The following RABGEF1 variants were observed in gnomAD, a reference collection of about 807,000 sequenced individuals.
The protein encoded by RABGEF1 is RAB guanine nucleotide exchange factor 1.
RABGEF1 carries 26 observed loss-of-function variants against 57.3 expected under a neutral mutation model. The observed-to-expected ratio is 0.45, with a 90% CI of 0.33 to 0.63. The LOEUF (loss-of-function observed/expected upper bound fraction) is 0.63. Among genes scored for constraint, RABGEF1 ranks in the 20% least tolerant of loss-of-function variants. The pLI is 0.02. For synonymous variants in RABGEF1, 185 were observed against 210.7 expected, an observed-to-expected ratio of 0.88 and a Z score of 1.06; for missense variants, 464 against 607.6, an observed-to-expected ratio of 0.76 and a Z score of 2.48.
chr7:66,735,595 G>A (rs1797848493), intron 2 of RABGEF1, among the ~76,000 whole-genome samples: 1 of 152,320 alleles, frequency 6.6e-6, no homozygotes, highest in African/African-American at 2.4e-5. Flanking sequence ...CAGGATCATT[G>A]TGGGGGGGGT....
intron 1 of RABGEF1, chr7:66,748,925 CA>C: frequency 2.5e-5 from 6 of 242,466 alleles, no homozygotes; most frequent in South Asian, 6.8e-5. Flanking sequence ...GGGCACTCTC[CA>C]AAAACTGTTT....
intron 3 of RABGEF1, 137 bp downstream of exon 3, chr7:66,775,530 C>CT (rs1483455410): frequency 1.0e-6 from 1 of 1,004,150 alleles, no homozygotes; most frequent in East Asian, 2.6e-5. Context: ...TGAAATTGGG[C>CT]TTGAGGGTCA....
intron 1 of RABGEF1, 77 bp downstream of exon 1, chr7:66,740,869 TGG>T (rs796863507): frequency 5.3e-5 from 8 of 151,842 alleles, no homozygotes; most frequent in African/African-American, 1.9e-4. Context: ...CGTCTCGGGC[TGG>T]GGGTGGCAGG....
chr7:66,753,705 T>TTTTTTTG (rs1313052522), intron 1 of RABGEF1, among the ~76,000 whole-genome samples: 1 of 139,282 alleles, frequency 7.2e-6, no homozygotes, highest in East Asian at 2.2e-4. Flanking sequence ...GCCATCGTTT[T>TTTTTTTG]TTTTTTTTTT....
chr7:66,686,336 G>A (rs1045528079), intron 1 of RABGEF1, among the ~76,000 whole-genome samples: 1 of 151,748 alleles, frequency 6.6e-6, no homozygotes, highest in Non-Finnish European at 1.5e-5. Context: ...GGCTGGTGCA[G>A]TGGCTTATGC....
At chr7:66,701,083 G>A (rs1315200948) in intron 1 of RABGEF1, among the ~76,000 whole-genome samples, 2 of 132,724 alleles carry the variant, frequency 1.5e-5, no homozygotes, top group Non-Finnish European at 1.7e-5. Flanking sequence ...GTGGGGCAGG[G>A]GTGGGGACTG....
intron 7 of RABGEF1, among the ~76,000 whole-genome samples, chr7:66,802,256 A>G (rs563472012): frequency 2.0e-5 from 3 of 152,338 alleles, no homozygotes; most frequent in African/African-American, 7.2e-5. Context: ...GTAGAGGCCA[A>G]GGATTCTACT....
intron 4 of RABGEF1, among the ~76,000 whole-genome samples, chr7:66,788,024 T>C (rs1261831426): frequency 6.6e-6 from 1 of 152,222 alleles, no homozygotes; most frequent in African/African-American, 2.4e-5. Flanking sequence ...TTGCTAAGTG[T>C]TAATAAATCC....
At chr7:66,656,820 CAAAAAAAA>C in the RABGEF1 span, among the ~76,000 whole-genome samples, 4 of 73,860 alleles carry the variant, frequency 5.4e-5, no homozygotes, top group Non-Finnish European at 7.7e-5. Context: ...AACTGCATCT[CAAAAAAAA>C]AAAAAAAAAA....
intron 1 of RABGEF1, among the ~76,000 whole-genome samples, chr7:66,751,318 A>G (rs1174827775): frequency 6.6e-6 from 1 of 152,228 alleles, no homozygotes; most frequent in Non-Finnish European, 1.5e-5. Flanking sequence ...GGCGTGAGCC[A>G]CCGTACCTGG....
chr7:66,781,669 G>A (rs1294634751), intron 3 of RABGEF1, among the ~76,000 whole-genome samples: 2 of 152,152 alleles, frequency 1.3e-5, no homozygotes, highest in South Asian at 4.1e-4. Flanking sequence ...ATGTGCGGTA[G>A]TCAGCCACAC....
intron 1 of RABGEF1, among the ~76,000 whole-genome samples, chr7:66,760,968 G>A (rs1309036959): frequency 6.6e-6 from 1 of 152,120 alleles, no homozygotes; most frequent in Non-Finnish European, 1.5e-5. Flanking sequence ...CGTTTAGTAC[G>A]TATCATTGCT....
At chr7:66,766,765 C>T (rs1431377806) in intron 1 of RABGEF1, among the ~76,000 whole-genome samples, 2 of 151,716 alleles carry the variant, frequency 1.3e-5, no homozygotes, top group African/African-American at 2.4e-5. Flanking sequence ...CACTCTGTTG[C>T]GCAGGCTGGA....
In RABGEF1 at chr7:66,803,866, G is replaced by A. The variant is rs529374832; in HGVS notation, c.821-1274G>A. On this transcript the variant is annotated intron_variant, in intron 7 of 8. Transcript: ENST00000284957. ...ATCGTGCCACTGTACTCTAGCCGGG[G>A]CAACAGAGTGAGATGCTGTCTCAAA... Among the ~76,000 whole-genome samples, 5 of 151,084 alleles carry A rather than the reference G, an allele frequency of 3.3e-5. No individual in the cohort carries two copies. In the East Asian group the frequency reaches 7.8e-4, roughly 23 times the overall value.
chr7:66,779,588 T>C (rs1378173435), intron 3 of RABGEF1, among the ~76,000 whole-genome samples: 1 of 151,572 alleles, frequency 6.6e-6, no homozygotes, highest in East Asian at 1.9e-4. Context: ...GGGAGGATCA[T>C]TTGTGCCTGG....
In RABGEF1 at chr7:66,698,106, C is replaced by G. The variant is rs74360374; in HGVS notation, c.-872-14061C>G. 7.5e-3 allele frequency among the ~76,000 whole-genome samples: 1,144 copies of G among 152,110 alleles called. 17 individuals are homozygous for G. Among genetic ancestry groups the G allele is most frequent in the African/African-American group, 0.026 (1,075 of 41,478 alleles). On this transcript the variant is annotated intron_variant and NMD_transcript_variant, in intron 1 of 9. Coordinates refer to the RABGEF1 transcript ENST00000607882. ...ATTCCCCATCACAGCCACGCACCCCCCCCACCCTCAGACCAGTACTTCAGG... is the reference window on the plus strand; with the variant it reads ...ATTCCCCATCACAGCCACGCACCCCGCCCACCCTCAGACCAGTACTTCAGG...
upstream of RABGEF1, among the ~76,000 whole-genome samples, chr7:66,738,009 T>TTTG (rs1356823370): frequency 3.7e-5 from 5 of 133,698 alleles, 1 homozygote; most frequent in Non-Finnish European, 8.4e-5. Context: ...TTGGTTGTGT[T>TTTG]TTTTGTTTTT....
intron 3 of RABGEF1, among the ~76,000 whole-genome samples, chr7:66,777,921 T>C (rs1808929913): frequency 6.6e-6 from 1 of 152,240 alleles, no homozygotes; most frequent in Non-Finnish European, 1.5e-5. Context: ...ATTTGTACTT[T>C]AGATTGTTTG....
intron 8 of RABGEF1, among the ~76,000 whole-genome samples, chr7:66,807,293 G>A (rs1476852388): frequency 6.6e-6 from 1 of 152,182 alleles, no homozygotes; most frequent in African/African-American, 2.4e-5. Flanking sequence ...AAAGTAAAAA[G>A]TTTCCAGCTG....
Sources: gnomAD v4.1 joint callset for allele counts (sites outside exome capture counted in the v4.1 genomes callset) on GRCh38, gnomAD v4.1.1 for gene constraint, MANE v1.5 for transcripts, NCBI Gene and HGNC (gene_info 2026-07-23, HGNC 2026-07-21) for gene names.